CDH10: variants seen among roughly 807,000 people sequenced by gnomAD.
CDH10 encodes the protein cadherin 10, also known as cadherin-10.
In CDH10, 30 loss-of-function variants were observed where a neutral mutation model predicts 73.1. The ratio of observed to expected loss-of-function variants is 0.41; its 90% confidence interval spans 0.31 to 0.56. The LOEUF (loss-of-function observed/expected upper bound fraction) is 0.56, where lower values mean the gene tolerates loss of function less well. Ranked by LOEUF, CDH10 falls within the 20% of genes least tolerant of loss-of-function variation. The pLI is 0.27. For missense variants in CDH10, 815 were observed against 973.7 expected, an observed-to-expected ratio of 0.84 and a Z score of 2.17; for synonymous variants, 345 against 348.2, an observed-to-expected ratio of 0.99 and a Z score of 0.10.
At chr5:24,491,995 T>C (rs17312702) in intron 10 of CDH10, among the ~76,000 whole-genome samples, 168 bp from the exon 11 acceptor site, 9,986 of 152,186 alleles carry the variant, frequency 0.066, 838 homozygotes, top group African/African-American at 0.2. Context: ...ATAAGACAAA[T>C]AATCAGTTTG....
rs1001227038 is a variant in CDH10, at chr5:24,586,843, C to CTT, written c.231+6415_231+6416dup. The stretch of plus-strand genomic sequence containing the variant: ...GTAAAACAATAAGATAGCCCATATT[C>CTT]TTTTTTTTTTTTTTTTTTTGAGCCG... On this transcript the variant is annotated intron_variant, in intron 2 of 11. Coordinates refer to ENST00000264463, the MANE Select transcript of CDH10 (RefSeq NM_006727.5). 1.4e-3 allele frequency among the ~76,000 whole-genome samples: 141 copies of CTT among 102,752 alleles called. 12 individuals are homozygous for CTT. Among genetic ancestry groups the CTT allele is most frequent in the East Asian group, 2.3e-3 (8 of 3,516 alleles). 67.4% of individuals were successfully genotyped at this position (102,752 alleles called of 152,430 possible).
chr5:24,636,869 G>A (rs1268248959), intron 1 of CDH10, among the ~76,000 whole-genome samples: 2 of 151,696 alleles, frequency 1.3e-5, no homozygotes, highest in Non-Finnish European at 2.9e-5. Flanking sequence ...AGTGCACCAC[G>A]GATCACCAAC....
chr5:24,534,376 T>C (rs1412358709), intron 5 of CDH10, among the ~76,000 whole-genome samples: 4 of 152,016 alleles, frequency 2.6e-5, no homozygotes, highest in East Asian at 3.9e-4. Flanking sequence ...AAGCAAAAAA[T>C]TGGGAGTGTC....
At position 24,505,092 on chromosome 5, in the gene CDH10, A is replaced by T. The variant is rs2111724945; in HGVS notation, c.1393+20T>A. Reference sequence around the variant, plus strand: ...ATAAACATATCTAGATATATGTTAGATACATAAAATTCATCTTACTGATTT... The same window carrying T: ...ATAAACATATCTAGATATATGTTAGTTACATAAAATTCATCTTACTGATTT... On this transcript the variant is annotated intron_variant, in intron 8 of 11. Transcript: ENST00000264463. 1 of 1,535,720 alleles carries T rather than the reference A, an allele frequency of 6.5e-7. No homozygotes were observed. The highest frequency in any genetic ancestry group is 9.0e-7 in the Non-Finnish European group (1 of 1,110,654).
chr5:24,629,649 C>T (rs1282105516), intron 1 of CDH10, among the ~76,000 whole-genome samples: 2 of 152,086 alleles, frequency 1.3e-5, no homozygotes. Context: ...ATGTTGTTCT[C>T]ATGATAGTGC....
intron 9 of CDH10, among the ~76,000 whole-genome samples, chr5:24,497,717 C>T (rs770331263): frequency 6.6e-6 from 1 of 152,082 alleles, no homozygotes; most frequent in East Asian, 1.9e-4. Flanking sequence ...ACGCAGCTTC[C>T]TTCTGTGAAG....
At chr5:24,614,872 T>C (rs1747076956) in intron 1 of CDH10, among the ~76,000 whole-genome samples, 1 of 152,208 alleles carries the variant, frequency 6.6e-6, no homozygotes, top group South Asian at 2.1e-4. Context: ...ACTTATTTTT[T>C]GTGTGGTTCT....
At chr5:24,542,233 G>C (rs7710711) in intron 2 of CDH10, among the ~76,000 whole-genome samples, 1 of 152,052 alleles carries the variant, frequency 6.6e-6, no homozygotes, top group East Asian at 1.9e-4. Flanking sequence ...TGTTTATCCA[G>C]TGGAAATGAA....
chr5:24,572,334 A>G (rs573801298), intron 2 of CDH10, among the ~76,000 whole-genome samples: 13 of 152,232 alleles, frequency 8.5e-5, no homozygotes, highest in Admixed American at 8.5e-4. Context: ...AAACAGACTA[A>G]AGGCATTCGG....
intron 2 of CDH10, among the ~76,000 whole-genome samples, chr5:24,562,300 A>G (rs1253632026): frequency 6.6e-6 from 1 of 152,118 alleles, no homozygotes; most frequent in African/African-American, 2.4e-5. Flanking sequence ...AAATATGTCA[A>G]GAAGTATTAT....
intron 2 of CDH10, among the ~76,000 whole-genome samples, chr5:24,585,621 A>C (rs1017343531): frequency 6.6e-6 from 1 of 152,006 alleles, no homozygotes; most frequent in Non-Finnish European, 1.5e-5. Flanking sequence ...ACAGGGTTTC[A>C]CCATATTGTC....
At chr5:24,586,029 T>C (rs1472153234) in intron 2 of CDH10, among the ~76,000 whole-genome samples, 2 of 152,166 alleles carry the variant, frequency 1.3e-5, no homozygotes, top group Non-Finnish European at 2.9e-5. Flanking sequence ...TATTTGAAAA[T>C]GACACCACTG....
At chr5:24,519,891 A>G (rs1743249421) in intron 5 of CDH10, among the ~76,000 whole-genome samples, 3 of 152,206 alleles carry the variant, frequency 2.0e-5, no homozygotes. Context: ...GGACATACTC[A>G]GAGAATCTTC....
intron 9 of CDH10, among the ~76,000 whole-genome samples, chr5:24,496,080 G>A (rs542427886): frequency 2.6e-5 from 4 of 152,066 alleles, no homozygotes; most frequent in Admixed American, 2.6e-4. Flanking sequence ...ATATGTTTTA[G>A]CTTTTTCTAT....
At chr5:24,601,628 A>G (rs751454588) in intron 1 of CDH10, among the ~76,000 whole-genome samples, 8 of 152,166 alleles carry the variant, frequency 5.3e-5, no homozygotes, top group Non-Finnish European at 1.0e-4. Context: ...GGATATCTAA[A>G]TTCCACAGAT....
chr5:24,592,390 T>C (rs769251939), intron 2 of CDH10, among the ~76,000 whole-genome samples: 2 of 151,852 alleles, frequency 1.3e-5, no homozygotes, highest in African/African-American at 2.4e-5. Flanking sequence ...TTTCCTTTTA[T>C]TCCTATGACA....
chr5:24,500,398 T>C (rs1418328339), intron 8 of CDH10, among the ~76,000 whole-genome samples: 2 of 152,236 alleles, frequency 1.3e-5, no homozygotes, highest in Non-Finnish European at 2.9e-5. Context: ...TCACCAATCC[T>C]TTTAAGTCTT....
At chr5:24,580,814 T>C (rs147719652) in intron 2 of CDH10, among the ~76,000 whole-genome samples, 357 of 152,286 alleles carry the variant, frequency 2.3e-3, no homozygotes, top group African/African-American at 7.9e-3. Context: ...CAAAGGAGAC[T>C]CCGCTTCCTT....
chr5:24,505,196 C>T lies in CDH10; in HGVS notation c.1309G>A (p.Gly437Arg), dbSNP rs771873502. 1.2e-6 allele frequency: 2 copies of T among 1,611,794 alleles called. No homozygotes were observed. The highest frequency in any genetic ancestry group is 1.7e-6 in the Non-Finnish European group (2 of 1,178,116). The change falls in exon 8 of 12, where the codon GGA becomes AGA. Residue 437 changes from glycine to arginine, a missense_variant. Coordinates refer to ENST00000264463, the MANE Select transcript of CDH10 (RefSeq NM_006727.5). ...TTTGATGTATAAAGAGATCCATTTC[C>T]TGAATGAATGTTAAAGATTCTGTCA... ...DLDRIFNIHS[G>R]NGSLYTSKPL... is the part of the protein sequence containing the mutation.
Sources: allele counts gnomAD v4.1 joint callset (sites outside exome capture counted in the v4.1 genomes callset), GRCh38; gene constraint gnomAD v4.1.1; transcripts MANE v1.5; gene names NCBI Gene and HGNC (gene_info 2026-07-23, HGNC 2026-07-21).